FAM241A: variants seen among roughly 807,000 people sequenced by gnomAD.
The protein encoded by FAM241A is uncharacterized protein FAM241A.
Under a neutral mutation model 12.2 loss-of-function variants are expected in FAM241A, and 7 were observed. The observed-to-expected ratio is 0.58, with a 90% confidence interval of 0.33 to 1.08. FAM241A has a LOEUF of 1.08. FAM241A is among the 50% of genes least tolerant of loss of function. The pLI, the probability that FAM241A is intolerant of heterozygous loss-of-function variation, is 0.04. For synonymous variants in FAM241A, 74 were observed against 68.2 expected (o/e 1.08, Z -0.42); for missense variants, 161 against 169.7 (o/e 0.95, Z 0.29).
intron 1 of FAM241A, among the ~76,000 whole-genome samples, chr4:112,160,087 A>G (rs1723431899): frequency 6.6e-6 from 1 of 152,214 alleles, no homozygotes; most frequent in Non-Finnish European, 1.5e-5. Flanking sequence ...TGCATAATAC[A>G]AAACCAACAC....
rs1174830007 is a variant in FAM241A, at chr4:112,190,952, C to T, written c.*4014C>T. The T allele has an allele frequency of 1.3e-5, 2 of 152,212 alleles. No individual in the cohort carries two copies. Among genetic ancestry groups the T allele is most frequent in the Non-Finnish European group, 2.9e-5 (2 of 68,068 alleles). The allele number at this position is 152,212 out of a possible 1,614,324, so 9.4% of individuals were successfully genotyped here. A position where few individuals can be genotyped will look rare whatever the true frequency, so the allele number is the denominator to read the frequency against. On this transcript the variant is annotated 3_prime_UTR_variant, in exon 2 of 2. Coordinates refer to ENST00000309733, the MANE Select transcript of FAM241A (RefSeq NM_152400.3). ...AGAGTTACCATTTGCATCCTAACAGCTCCCCAATTTGCATCTCTAGATCAG... is the reference window on the plus strand; with the variant it reads ...AGAGTTACCATTTGCATCCTAACAGTTCCCCAATTTGCATCTCTAGATCAG...
intron 1 of FAM241A, among the ~76,000 whole-genome samples, chr4:112,185,833 G>A (rs915251908): frequency 5.9e-5 from 9 of 152,158 alleles, no homozygotes; most frequent in African/African-American, 1.7e-4. Context: ...TATTGCTGTC[G>A]GAGTGAAGAA....
intron 1 of FAM241A, among the ~76,000 whole-genome samples, chr4:112,179,914 G>GATATAGATATATAT (rs1553921419): frequency 8.5e-6 from 1 of 117,770 alleles, no homozygotes; most frequent in Non-Finnish European, 1.7e-5. Context: ...AAGAAAATGT[G>GATATAGATATATAT]ATATATATAT....
chr4:112,176,753 A>G (rs923814350), intron 1 of FAM241A, among the ~76,000 whole-genome samples: 7 of 152,198 alleles, frequency 4.6e-5, no homozygotes, highest in African/African-American at 1.7e-4. Flanking sequence ...AAAAAAGAGT[A>G]TCACTGCTTT....
At chr4:112,185,152 A>T (rs1724013630) in intron 1 of FAM241A, among the ~76,000 whole-genome samples, 1 of 152,146 alleles carries the variant, frequency 6.6e-6, no homozygotes, top group African/African-American at 2.4e-5. Context: ...TAATTATTTG[A>T]ATCATGCCTC....
chr4:112,156,858 T>A (rs1358609552), intron 1 of FAM241A, among the ~76,000 whole-genome samples: 1 of 152,172 alleles, frequency 6.6e-6, no homozygotes, highest in Non-Finnish European at 1.5e-5. Context: ...TTAAAAATTA[T>A]CACAATATAA....
intron 1 of FAM241A, among the ~76,000 whole-genome samples, chr4:112,146,802 A>C (rs1723146715): frequency 6.6e-6 from 1 of 152,268 alleles, no homozygotes; most frequent in Non-Finnish European, 1.5e-5. Flanking sequence ...GGCACACAAA[A>C]TATGCCTTAG....
intron 1 of FAM241A, among the ~76,000 whole-genome samples, chr4:112,186,395 A>C (rs1336745210): frequency 6.6e-6 from 1 of 152,190 alleles, no homozygotes; most frequent in Non-Finnish European, 1.5e-5. Flanking sequence ...GTCTAAAAAG[A>C]ATCTTACCAG....
chr4:112,158,241 C>T (rs921052910), intron 1 of FAM241A, among the ~76,000 whole-genome samples: 9 of 151,974 alleles, frequency 5.9e-5, no homozygotes, highest in Non-Finnish European at 1.0e-4. Context: ...AGTCTTTGGG[C>T]GCTCTATATT....
chr4:112,152,312 A>G (rs1723259959), intron 1 of FAM241A, among the ~76,000 whole-genome samples: 1 of 152,202 alleles, frequency 6.6e-6, no homozygotes, highest in Non-Finnish European at 1.5e-5. Context: ...TAAACATCGT[A>G]TAATGCCATA....
chr4:112,165,906 T>C (rs972399705), intron 1 of FAM241A, among the ~76,000 whole-genome samples: 2 of 152,204 alleles, frequency 1.3e-5, no homozygotes, highest in African/African-American at 4.8e-5. Context: ...ACTAAAAGTA[T>C]AATTGGATTG....
chr4:112,176,431 A>G (rs1257990686), intron 1 of FAM241A, among the ~76,000 whole-genome samples: 1 of 152,234 alleles, frequency 6.6e-6, no homozygotes, highest in Non-Finnish European at 1.5e-5. Context: ...GAAGAAACTG[A>G]GAGTCAGTGG....
At chr4:112,174,997 C>A (rs950934237) in intron 1 of FAM241A, among the ~76,000 whole-genome samples, 1 of 152,220 alleles carries the variant, frequency 6.6e-6, no homozygotes, top group African/African-American at 2.4e-5. Flanking sequence ...AATCTCCAAG[C>A]TACTAGTCCC....
intron 1 of FAM241A, among the ~76,000 whole-genome samples, chr4:112,152,543 G>A (rs4834221): frequency 0.49 from 74,110 of 151,976 alleles, 19,041 homozygotes; most frequent in East Asian, 0.73. Context: ...GCAGCTCCTC[G>A]TATGCAACTT....
intron 1 of FAM241A, among the ~76,000 whole-genome samples, chr4:112,176,234 C>T (rs1432028502): frequency 6.6e-6 from 1 of 152,074 alleles, no homozygotes; most frequent in African/African-American, 2.4e-5. Context: ...AAGATAATCA[C>T]TAAGGCATTA....
At chr4:112,183,626 T>C (rs1439762641) in intron 1 of FAM241A, among the ~76,000 whole-genome samples, 1 of 151,056 alleles carries the variant, frequency 6.6e-6, no homozygotes, top group Non-Finnish European at 1.5e-5. Context: ...CTTAAAAAGC[T>C]TCAGTAACAA....
chr4:112,145,795 G>A, intron 1 of FAM241A, 62 bp downstream of exon 1: 1 of 1,065,454 alleles, frequency 9.4e-7, no homozygotes, highest in Non-Finnish European at 1.2e-6. Context: ...CCCGCCCGGC[G>A]TTGGAGGGAA....
chr4:112,173,544 T>C (rs937258686), intron 1 of FAM241A, among the ~76,000 whole-genome samples: 2 of 152,118 alleles, frequency 1.3e-5, no homozygotes, highest in South Asian at 4.1e-4. Context: ...TGTGAAAGGA[T>C]AGTGAAGAAG....
chr4:112,161,214 G>T (rs117780539), intron 1 of FAM241A, among the ~76,000 whole-genome samples: 4,498 of 152,252 alleles, frequency 0.03, 182 homozygotes, highest in East Asian at 0.16. Flanking sequence ...AAGCAGGAAA[G>T]ATCTGAAATT....
Sources: gnomAD v4.1 joint callset for allele counts (sites outside exome capture counted in the v4.1 genomes callset) on GRCh38, gnomAD v4.1.1 for gene constraint, MANE v1.5 for transcripts, NCBI Gene and HGNC (gene_info 2026-07-23, HGNC 2026-07-21) for gene names.